The following RSPO2 variants were observed in gnomAD, a reference collection of about 807,000 sequenced individuals.
RSPO2 encodes R-spondin-2.
Under a neutral mutation model 30.9 loss-of-function variants are expected in RSPO2, and 14 were observed. The observed-to-expected ratio is 0.45, with a 90% CI of 0.30 to 0.71. RSPO2 has a LOEUF of 0.71. Among genes scored for constraint, RSPO2 ranks in the 30% least tolerant of loss-of-function variants. The probability of loss-of-function intolerance (pLI) is 0.08; values close to 1 mark genes in which losing one functional copy is unlikely to be tolerated. For missense variants in RSPO2, 264 were observed against 301.9 expected, an observed-to-expected ratio of 0.87 and a Z score of 0.93; for synonymous variants, 107 against 96.4, an observed-to-expected ratio of 1.11 and a Z score of -0.64.
At chr8:107,933,928 T>C (rs1380689044) in intron 5 of RSPO2, among the ~76,000 whole-genome samples, 2 of 152,226 alleles carry the variant, frequency 1.3e-5, no homozygotes, top group African/African-American at 2.4e-5. Context: ...ACATTTTTAA[T>C]ATATTTTTTA....
At chr8:107,995,255 A>G (rs988863423) in intron 2 of RSPO2, among the ~76,000 whole-genome samples, 20 of 152,196 alleles carry the variant, frequency 1.3e-4, no homozygotes, top group Non-Finnish European at 2.5e-4. Flanking sequence ...TTAATACTTT[A>G]TTTCCCTAAA....
intron 2 of RSPO2, among the ~76,000 whole-genome samples, chr8:108,034,148 T>G (rs1012067134): frequency 1.7e-4 from 26 of 152,144 alleles, no homozygotes; most frequent in Non-Finnish European, 3.4e-4. Context: ...AAAGAAAGTA[T>G]TAGTTCCTTC....
intron 5 of RSPO2, among the ~76,000 whole-genome samples, chr8:107,935,716 G>A (rs990799573): frequency 2.0e-5 from 3 of 152,120 alleles, no homozygotes; most frequent in Non-Finnish European, 4.4e-5. Context: ...GGAAACTGAA[G>A]AGCTCTAGTG....
At chr8:107,930,153 C>T (rs1166635682) in intron 5 of RSPO2, among the ~76,000 whole-genome samples, 1 of 152,130 alleles carries the variant, frequency 6.6e-6, no homozygotes, top group Non-Finnish European at 1.5e-5. Flanking sequence ...ACTTGGTATT[C>T]ATTACAAGTT....
intron 5 of RSPO2, among the ~76,000 whole-genome samples, chr8:107,953,946 C>T (rs1813333137): frequency 6.6e-6 from 1 of 152,212 alleles, no homozygotes; most frequent in African/African-American, 2.4e-5. Flanking sequence ...CAGCCCTTGT[C>T]TTCACATGAG....
intron 5 of RSPO2, among the ~76,000 whole-genome samples, chr8:107,949,275 G>A (rs748387745): frequency 2.4e-4 from 36 of 152,004 alleles, no homozygotes; most frequent in Non-Finnish European, 2.6e-4. Flanking sequence ...TTGTTTCTGA[G>A]TTACTTCACT....
chr8:107,959,407 A>C (rs1434128713), intron 4 of RSPO2, among the ~76,000 whole-genome samples: 1 of 152,202 alleles, frequency 6.6e-6, no homozygotes, highest in Non-Finnish European at 1.5e-5. Flanking sequence ...AGGAGGAAGT[A>C]AAAGGATAAG....
intron 2 of RSPO2, among the ~76,000 whole-genome samples, chr8:108,076,399 T>G (rs1248665406): frequency 6.6e-6 from 1 of 152,068 alleles, no homozygotes; most frequent in Non-Finnish European, 1.5e-5. Context: ...GGCAGCACTG[T>G]AAGGGATGGA....
At chr8:108,078,497 CAGG>C in intron 2 of RSPO2, among the ~76,000 whole-genome samples, 1 of 152,058 alleles carries the variant, frequency 6.6e-6, no homozygotes, top group African/African-American at 2.4e-5. Context: ...GAAAGAATAT[CAGG>C]AGAAGTAAAC....
chr8:108,067,161 G>C (rs1425466039), intron 2 of RSPO2, among the ~76,000 whole-genome samples: 2 of 152,172 alleles, frequency 1.3e-5, no homozygotes, highest in Non-Finnish European at 2.9e-5. Flanking sequence ...TAATACCCTA[G>C]AATCAAAGAA....
At chr8:107,933,493 T>C (rs1017322107) in intron 5 of RSPO2, among the ~76,000 whole-genome samples, 2 of 152,300 alleles carry the variant, frequency 1.3e-5, no homozygotes, top group Non-Finnish European at 2.9e-5. Flanking sequence ...TGTGTGTTTA[T>C]GTAAAAAAAT....
chr8:108,059,217 G>A (rs1310305888), intron 2 of RSPO2, among the ~76,000 whole-genome samples: 12 of 151,622 alleles, frequency 7.9e-5, no homozygotes, highest in Middle Eastern at 3.4e-3. Flanking sequence ...CTCAAAAGAA[G>A]ACATTTATGC....
intron 5 of RSPO2, among the ~76,000 whole-genome samples, chr8:107,932,801 TGA>T (rs139973339): frequency 1.4e-4 from 21 of 150,710 alleles, no homozygotes; most frequent in Admixed American, 1.1e-3. Flanking sequence ...CTGTGCCAAA[TGA>T]GAGAGAGAGA....
chr8:108,027,880 T>A (rs1478103652), intron 2 of RSPO2, among the ~76,000 whole-genome samples: 2 of 152,152 alleles, frequency 1.3e-5, no homozygotes, highest in Non-Finnish European at 2.9e-5. Flanking sequence ...TCAAAAACCT[T>A]CAGTAGTTCC....
chr8:107,971,916 T>C (rs1375004232), intron 3 of RSPO2, among the ~76,000 whole-genome samples: 1 of 152,160 alleles, frequency 6.6e-6, no homozygotes, highest in African/African-American at 2.4e-5. Context: ...TGAAGTTTCT[T>C]GAAAACATCC....
intron 3 of RSPO2, among the ~76,000 whole-genome samples, chr8:107,986,967 A>G (rs556645674): frequency 6.6e-6 from 1 of 152,304 alleles, no homozygotes; most frequent in South Asian, 2.1e-4. Context: ...ATATTTGCAA[A>G]CATATTTGCA....
intron 3 of RSPO2, chr8:107,983,763 G>A (rs940478524): frequency 3.8e-5 from 61 of 1,597,906 alleles, no homozygotes; most frequent in Admixed American, 6.9e-5. Context: ...GGAGCTGGAT[G>A]TAGATGCTGA....
chr8:108,051,010 C>G (rs1812063127), intron 2 of RSPO2, among the ~76,000 whole-genome samples: 1 of 152,144 alleles, frequency 6.6e-6, no homozygotes, highest in Admixed American at 6.5e-5. Flanking sequence ...GAAAAACCCT[C>G]TTATACCATA....
chr8:107,902,327 AC>A (rs2130240708), intron 5 of RSPO2, among the ~76,000 whole-genome samples: 1 of 152,276 alleles, frequency 6.6e-6, no homozygotes, highest in African/African-American at 2.4e-5. Context: ...ATAAAGCTTA[AC>A]TTTTCTCTTC....
Sources: gnomAD v4.1 joint callset for allele counts (sites outside exome capture counted in the v4.1 genomes callset) on GRCh38, gnomAD v4.1.1 for gene constraint, MANE v1.5 for transcripts, NCBI Gene and HGNC (gene_info 2026-07-23, HGNC 2026-07-21) for gene names.